The following THSD7B variants were observed in gnomAD, a reference collection of about 807,000 sequenced individuals.
The protein encoded by THSD7B is thrombospondin type-1 domain-containing protein 7B.
A neutral mutation model predicts 213.6 loss-of-function variants in THSD7B; 138 were observed. That is an observed-to-expected ratio of 0.65 (90% confidence interval 0.56 to 0.74). THSD7B has a LOEUF of 0.74. THSD7B is among the 30% of genes least tolerant of loss of function. The pLI is 0.00. For synonymous variants in THSD7B, 742 were observed against 687.0 expected (o/e 1.08, Z -1.25); for missense variants, 1,931 against 1,991.5 (o/e 0.97, Z 0.58).
chr2:137,228,496 T>C (rs1681565071), intron 7 of THSD7B, among the ~76,000 whole-genome samples: 1 of 152,192 alleles, frequency 6.6e-6, no homozygotes, highest in Admixed American at 6.5e-5. Context: ...ATAAAACTTA[T>C]GTTTCAGTCT....
At chr2:136,864,180 C>T (rs759471786) in intron 1 of THSD7B, among the ~76,000 whole-genome samples, 15 of 152,154 alleles carry the variant, frequency 9.9e-5, no homozygotes, top group Non-Finnish European at 1.9e-4. Context: ...AGTGAAGTGG[C>T]CTTGCTGAGT....
intron 12 of THSD7B, among the ~76,000 whole-genome samples, chr2:137,326,884 C>A (rs939079960): frequency 6.6e-6 from 1 of 152,040 alleles, no homozygotes; most frequent in Non-Finnish European, 1.5e-5. Flanking sequence ...AATGCAGTTG[C>A]AGTTTCAAAC....
intron 12 of THSD7B, among the ~76,000 whole-genome samples, chr2:137,389,847 A>G (rs1218873712): frequency 6.6e-6 from 1 of 152,096 alleles, no homozygotes; most frequent in Non-Finnish European, 1.5e-5. Context: ...AATGTATGTT[A>G]TTAGTACCTT....
intron 10 of THSD7B, among the ~76,000 whole-genome samples, chr2:137,263,258 A>G (rs1682494471): frequency 6.6e-6 from 1 of 151,428 alleles, no homozygotes; most frequent in South Asian, 2.1e-4. Flanking sequence ...TTCACTATAT[A>G]TATAATATAT....
intron 15 of THSD7B, among the ~76,000 whole-genome samples, chr2:137,546,372 A>ATTATATAT (rs1680712497): frequency 1.8e-5 from 1 of 54,770 alleles, no homozygotes; most frequent in Non-Finnish European, 3.1e-5. Flanking sequence ...TTATATATAT[A>ATTATATAT]TATAATATAT....
intron 1 of THSD7B, among the ~76,000 whole-genome samples, chr2:136,806,443 G>A (rs1682282365): frequency 6.6e-6 from 1 of 152,208 alleles, no homozygotes; most frequent in African/African-American, 2.4e-5. Context: ...ATCAAGAAGA[G>A]TATGTGTACA....
intron 12 of THSD7B, among the ~76,000 whole-genome samples, chr2:137,277,446 A>T (rs1682900709): frequency 6.6e-6 from 1 of 152,060 alleles, no homozygotes. Flanking sequence ...GCATAGTAGG[A>T]TGGGTCTTCA....
At chr2:137,341,634 T>C (rs2104907741) in intron 12 of THSD7B, among the ~76,000 whole-genome samples, 1 of 151,782 alleles carries the variant, frequency 6.6e-6, no homozygotes, top group East Asian at 1.9e-4. Flanking sequence ...CCATTTAGAG[T>C]TGATTTTTGT....
intron 15 of THSD7B, among the ~76,000 whole-genome samples, chr2:137,470,660 C>T (rs1055168026): frequency 1.3e-5 from 2 of 152,134 alleles, no homozygotes; most frequent in Middle Eastern, 3.2e-3. Context: ...CTCTCAGCTA[C>T]AGAATACATT....
At chr2:137,578,869 GA>G (rs921006975) in intron 17 of THSD7B, among the ~76,000 whole-genome samples, 80 of 152,038 alleles carry the variant, frequency 5.3e-4, no homozygotes, top group African/African-American at 1.9e-3. Context: ...AGCACAGAAA[GA>G]AAAAAAGAAT....
chr2:137,121,053 C>T (rs997066676), intron 5 of THSD7B, among the ~76,000 whole-genome samples: 1 of 152,134 alleles, frequency 6.6e-6, no homozygotes, highest in African/African-American at 2.4e-5. Context: ...GCATTTGTAT[C>T]TAAGTTTAGT....
chr2:137,125,449 T>C (rs186551426), intron 5 of THSD7B, among the ~76,000 whole-genome samples: 6 of 152,338 alleles, frequency 3.9e-5, no homozygotes, highest in Admixed American at 2.6e-4. Flanking sequence ...TCATCATCCA[T>C]TCAAGTTCTA....
rs555119603 is a variant in THSD7B at position 137,435,098 on chromosome 2, T to C, written c.2960-15747T>C. ...TATTCACTCCAGCCCCTTCCCCTCA[T>C]ATCTAAGACTATCATGTCCCAGCAG... On this transcript the variant is annotated intron_variant, in intron 14 of 27. Transcript: ENST00000409968. Among the ~76,000 whole-genome samples the C allele has an allele frequency of 7.2e-5, 11 of 152,324 alleles. No individual in the cohort carries two copies. The South Asian group carries it at 2.1e-3, about 29-fold the overall frequency.
chr2:137,313,733 C>T (rs1463944225), intron 12 of THSD7B, among the ~76,000 whole-genome samples: 1 of 152,086 alleles, frequency 6.6e-6, no homozygotes, highest in Non-Finnish European at 1.5e-5. Flanking sequence ...ATTTGCTTGT[C>T]TGTAAAGGAT....
intron 1 of THSD7B, among the ~76,000 whole-genome samples, chr2:136,769,559 A>G (rs1369486957): frequency 1.3e-5 from 2 of 152,236 alleles, no homozygotes; most frequent in African/African-American, 4.8e-5. Context: ...TGTAAGCTGA[A>G]CAATGAAGTC....
Position 137,272,666 on chromosome 2 carries a change from A to G in THSD7B, c.2396+4A>G. On this transcript the variant is annotated splice_donor_region_variant and intron_variant, in intron 11 of 27. Transcript: ENST00000409968. The stretch of plus-strand genomic sequence containing the variant: ...TTTCCTTGTGTCCTGTATATCGGCA[A>G]GTAGTTACCTTTTAAAATTATCGTT... 1 of 1,610,510 alleles carries G rather than the reference A, an allele frequency of 6.2e-7. No homozygotes were observed. The highest frequency in any genetic ancestry group is 8.5e-7 in the Non-Finnish European group (1 of 1,178,258).
intron 20 of THSD7B, among the ~76,000 whole-genome samples, chr2:137,632,218 T>C (rs1682755057): frequency 6.6e-6 from 1 of 152,154 alleles, no homozygotes; most frequent in Non-Finnish European, 1.5e-5. Context: ...AATTTATAGA[T>C]ATATTTGAGA....
intron 1 of THSD7B, among the ~76,000 whole-genome samples, chr2:136,867,238 A>G (rs187317235): frequency 3.0e-4 from 45 of 152,350 alleles, no homozygotes; most frequent in African/African-American, 1.0e-3. Flanking sequence ...CAAGAATAAA[A>G]TCACAGACAG....
intron 5 of THSD7B, among the ~76,000 whole-genome samples, chr2:137,124,425 A>AT (rs553764023): frequency 6.5e-4 from 99 of 152,226 alleles, no homozygotes; most frequent in African/African-American, 2.2e-3. Flanking sequence ...AGTATTTTGC[A>AT]TTTTTTTCAT....
Sources: allele counts gnomAD v4.1 joint callset (sites outside exome capture counted in the v4.1 genomes callset), GRCh38; gene constraint gnomAD v4.1.1; transcripts MANE v1.5; gene names NCBI Gene and HGNC (gene_info 2026-07-23, HGNC 2026-07-21).